RNF24: variants seen among roughly 807,000 people sequenced by gnomAD.
The protein encoded by RNF24 is ring finger protein 24.
Under a neutral mutation model 20.0 loss-of-function variants are expected in RNF24, and 14 were observed. The observed-to-expected ratio is 0.70, with a 90% CI of 0.46 to 1.10. The LOEUF (loss-of-function observed/expected upper bound fraction) is 1.10. Ranked by LOEUF, RNF24 falls within the 50% of genes least tolerant of loss-of-function variation. RNF24 has a pLI of 0.00. For synonymous variants in RNF24, 45 were observed against 61.1 expected (o/e 0.74, Z 1.23); for missense variants, 124 against 177.6 (o/e 0.70, Z 1.71).
chr20:3,953,850 G>A (rs1380588199), intron 2 of RNF24, among the ~76,000 whole-genome samples: 1 of 148,812 alleles, frequency 6.7e-6, no homozygotes, highest in Admixed American at 6.7e-5. Flanking sequence ...TCCACCTCCC[G>A]GGTTCAGGTG....
intron 2 of RNF24, among the ~76,000 whole-genome samples, chr20:3,962,567 C>T (rs1295840975): frequency 6.6e-6 from 1 of 151,980 alleles, no homozygotes; most frequent in Admixed American, 6.6e-5. Context: ...TACAAACACC[C>T]CAAGTCTAGA....
intron 3 of RNF24, 140 bp downstream of exon 3, chr20:3,948,097 T>C (rs2091041209): frequency 1.2e-5 from 8 of 641,878 alleles, no homozygotes; most frequent in South Asian, 7.2e-5. Flanking sequence ...AGTTGATATA[T>C]TATACTGCAA....
chr20:4,003,461 A>G (rs1486171324), intron 1 of RNF24, among the ~76,000 whole-genome samples: 5 of 152,180 alleles, frequency 3.3e-5, no homozygotes, highest in Non-Finnish European at 7.3e-5. Flanking sequence ...CAGAAAATCA[A>G]TAGTTTTCCA....
At chr20:3,950,658 A>C (rs1240886814) in intron 2 of RNF24, among the ~76,000 whole-genome samples, 1 of 152,226 alleles carries the variant, frequency 6.6e-6, no homozygotes, top group Non-Finnish European at 1.5e-5. Flanking sequence ...TTTTGAAATA[A>C]TTTTAGACAG....
chr20:3,935,415 G>A (rs768549080), intron 4 of RNF24, among the ~76,000 whole-genome samples: 14 of 152,074 alleles, frequency 9.2e-5, no homozygotes, highest in Non-Finnish European at 2.1e-4. Flanking sequence ...CTGGTGTGCC[G>A]AAAGAGCTGA....
chr20:3,975,584 A>C (rs1978797302), intron 1 of RNF24, among the ~76,000 whole-genome samples: 1 of 152,160 alleles, frequency 6.6e-6, no homozygotes, highest in Admixed American at 6.5e-5. Flanking sequence ...TGTTCTCAAA[A>C]AGATATGGTG....
Position 4,014,779 on chromosome 20 carries a change from C to CACACA in RNF24, c.-8+657_-8+658insTGTGT, listed in dbSNP as rs1568679707. On this transcript the variant is annotated intron_variant, in intron 1 of 5. Transcript: ENST00000358395. ...CACACACACACACACACACACACAT[C>CACACA]ATTAGGTCTCCAGAAACAAAGGAGG... 1.0e-4 allele frequency among the ~76,000 whole-genome samples: 12 copies of CACACA among 120,468 alleles called. No individual in the cohort carries two copies. In the East Asian group the frequency reaches 2.9e-3, roughly 29 times the overall value. The allele number at this position is 120,468 out of a possible 152,430, so 79.0% of individuals were successfully genotyped here. A position where few individuals can be genotyped will look rare whatever the true frequency, so the allele number is the denominator to read the frequency against.
In RNF24 at chr20:3,939,324, AT is replaced by A. The variant is rs1390907327; in HGVS notation, c.229-4252del. 1.1e-4 allele frequency among the ~76,000 whole-genome samples: 16 copies of A among 152,250 alleles called. No homozygotes were observed. The South Asian group carries it at 3.3e-3, about 32-fold the overall frequency. On this transcript the variant is annotated intron_variant, in intron 4 of 5. Coordinates refer to ENST00000358395, the MANE Select transcript of RNF24 (RefSeq NM_001134337.3). ...TGTTTATGTCTGAGAGTTTTATAAT[AT>A]TAGCTGATACATTTAGGTCTTTGAT...
At chr20:3,960,869 A>G (rs1231552653) in intron 2 of RNF24, among the ~76,000 whole-genome samples, 2 of 151,892 alleles carry the variant, frequency 1.3e-5, no homozygotes, top group East Asian at 3.9e-4. Flanking sequence ...TCTTGGCTCA[A>G]TGCAACCTCT....
At chr20:3,959,768 G>A (rs190521958) in intron 2 of RNF24, among the ~76,000 whole-genome samples, 45 of 152,116 alleles carry the variant, frequency 3.0e-4, no homozygotes, top group Non-Finnish European at 7.4e-5. Flanking sequence ...GCCTGTGTTG[G>A]TACTTCTTGA....
rs73588493 is a variant in RNF24, at chr20:3,982,045, G to C, written c.-7-18021C>G. On this transcript the variant is annotated intron_variant, in intron 1 of 5. Coordinates refer to ENST00000358395, the MANE Select transcript of RNF24 (RefSeq NM_001134337.3). ...AGGTGGGAGGATCACCTGAGCCCAG[G>C]AGCAGTGAGCGCTAATCGCACCACT... Among the ~76,000 whole-genome samples the C allele has an allele frequency of 7.0e-3, 1,062 of 151,110 alleles. 12 individuals carry two copies. The highest frequency in any genetic ancestry group is 0.024 in the African/African-American group (987 of 40,956).
chr20:4,008,038 A>C (rs1205577375), intron 1 of RNF24, among the ~76,000 whole-genome samples: 1 of 151,532 alleles, frequency 6.6e-6, no homozygotes, highest in African/African-American at 2.4e-5. Context: ...ACCAAGTCAG[A>C]GTCAAATATT....
intron 1 of RNF24, among the ~76,000 whole-genome samples, chr20:3,966,469 A>AGTGTGTGCGTGTGTGTGTGT (rs2091259286): frequency 7.7e-6 from 1 of 129,232 alleles, no homozygotes; most frequent in Non-Finnish European, 1.7e-5. Flanking sequence ...TTAAGGCTTT[A>AGTGTGTGCGTGTGTGTGTGT]GTGTGTGTGT....
At chr20:4,005,614 TAA>T (rs1981801402) in intron 1 of RNF24, among the ~76,000 whole-genome samples, 1 of 152,206 alleles carries the variant, frequency 6.6e-6, no homozygotes, top group Non-Finnish European at 1.5e-5. Flanking sequence ...CAGTCCAAGA[TAA>T]AGAGACTATT....
At chr20:3,943,608 G>C (rs2090982702) in intron 4 of RNF24, among the ~76,000 whole-genome samples, 1 of 152,120 alleles carries the variant, frequency 6.6e-6, no homozygotes, top group Non-Finnish European at 1.5e-5. Flanking sequence ...CATAACCAAA[G>C]CTGGGGATAC....
At chr20:3,962,151 C>T (rs896899740) in intron 2 of RNF24, among the ~76,000 whole-genome samples, 4 of 151,982 alleles carry the variant, frequency 2.6e-5, no homozygotes, top group Admixed American at 1.3e-4. Flanking sequence ...TCAGGAGTTT[C>T]AGACCAGCCT....
At chr20:3,959,664 T>C (rs1231066761) in intron 2 of RNF24, among the ~76,000 whole-genome samples, 2 of 152,204 alleles carry the variant, frequency 1.3e-5, no homozygotes, top group Non-Finnish European at 2.9e-5. Context: ...TAACAAAAAA[T>C]CAGCAGTCCT....
chr20:3,959,547 G>A (rs2091179016), intron 2 of RNF24, among the ~76,000 whole-genome samples: 3 of 152,104 alleles, frequency 2.0e-5, no homozygotes, highest in African/African-American at 7.2e-5. Flanking sequence ...AGCATACAAC[G>A]TATAATGATC....
intron 2 of RNF24, among the ~76,000 whole-genome samples, chr20:3,956,563 C>T (rs2091144702): frequency 6.6e-6 from 1 of 151,874 alleles, no homozygotes; most frequent in Admixed American, 6.6e-5. Flanking sequence ...GCTTTGGTCT[C>T]AATAATTTTT....
Sources: gnomAD v4.1 joint callset for allele counts (sites outside exome capture counted in the v4.1 genomes callset) on GRCh38, gnomAD v4.1.1 for gene constraint, MANE v1.5 for transcripts, NCBI Gene and HGNC (gene_info 2026-07-23, HGNC 2026-07-21) for gene names.